GRM8: variants seen among roughly 807,000 people sequenced by gnomAD.
The protein encoded by GRM8 is metabotropic glutamate receptor 8.
GRM8 carries 47 observed loss-of-function variants against 87.2 expected under a neutral mutation model. The ratio of observed to expected loss-of-function variants is 0.54; its 90% CI spans 0.43 to 0.69. The LOEUF is 0.69. Among genes scored for constraint, GRM8 ranks in the 30% least tolerant of loss-of-function variants. GRM8 has a pLI of 0.00. For missense variants in GRM8, 1,019 were observed against 1,139.2 expected (o/e 0.89, Z 1.52); for synonymous variants, 396 against 404.5 (o/e 0.98, Z 0.25).
intron 9 of GRM8, 46 bp downstream of exon 9, chr7:126,532,906 T>C (rs1488413074): frequency 1.8e-6 from 2 of 1,091,214 alleles, no homozygotes; most frequent in African/African-American, 1.6e-5. Context: ...TAAAAGAAGA[T>C]GTTAAATCCA....
intron 2 of GRM8, among the ~76,000 whole-genome samples, chr7:127,168,901 C>T (rs1347399122): frequency 6.6e-6 from 1 of 151,808 alleles, no homozygotes; most frequent in Non-Finnish European, 1.5e-5. Flanking sequence ...GGAGAAATAC[C>T]TAATGTAGAT....
chr7:126,645,677 TG>T (rs1408727084), intron 7 of GRM8, among the ~76,000 whole-genome samples: 1 of 152,204 alleles, frequency 6.6e-6, no homozygotes, highest in Non-Finnish European at 1.5e-5. Flanking sequence ...AAGTTTAAAA[TG>T]TTTTTCTGGT....
At position 127,037,106 on chromosome 7, in the gene GRM8, C is replaced by A. The variant is rs150304260; in HGVS notation, c.727+69390G>T. Among the ~76,000 whole-genome samples the A allele has an allele frequency of 1.1e-4, 17 of 152,248 alleles. No individual in the cohort carries two copies. In the East Asian group the frequency reaches 3.1e-3, roughly 28 times the overall value. Reference sequence around the variant, plus strand: ...CCTCCCACATAATCAGCTCAAAAAACTGATTTAAGAAAATCATTTTACATG... The same window carrying A: ...CCTCCCACATAATCAGCTCAAAAAAATGATTTAAGAAAATCATTTTACATG... On this transcript the variant is annotated intron_variant, in intron 3 of 10. Coordinates refer to ENST00000339582, the MANE Select transcript of GRM8 (RefSeq NM_000845.3).
chr7:127,141,916 C>A (rs1413457681), intron 2 of GRM8, among the ~76,000 whole-genome samples: 1 of 152,038 alleles, frequency 6.6e-6, no homozygotes, highest in African/African-American at 2.4e-5. Context: ...TGGAGTGCAG[C>A]AAATGCTTTC....
intron 3 of GRM8, among the ~76,000 whole-genome samples, chr7:127,012,276 A>G (rs1246830268): frequency 6.6e-6 from 1 of 152,110 alleles, no homozygotes; most frequent in Non-Finnish European, 1.5e-5. Flanking sequence ...TTGGTTCTAT[A>G]GTTCTACTAT....
chr7:126,489,141 G>A (rs1161018413), intron 9 of GRM8, among the ~76,000 whole-genome samples: 3 of 152,006 alleles, frequency 2.0e-5, no homozygotes, highest in African/African-American at 7.2e-5. Flanking sequence ...TGGATTTAGA[G>A]AAGCCACAAA....
chr7:126,997,329 C>T lies in GRM8; in HGVS notation c.728-92646G>A, dbSNP rs562295389. ...AGAGGAAAATATATAGCTTTAAGTG[C>T]CTATATCAAAAAAAGAAAAACTTAA... On this transcript the variant is annotated intron_variant, in intron 3 of 10. Transcript: ENST00000339582. 9.9e-5 allele frequency among the ~76,000 whole-genome samples: 15 copies of T among 151,290 alleles called. No homozygotes were observed. In the South Asian group the frequency reaches 3.1e-3, roughly 32 times the overall value.
At chr7:126,545,769 A>T (rs1210819432) in intron 8 of GRM8, among the ~76,000 whole-genome samples, 1 of 152,234 alleles carries the variant, frequency 6.6e-6, no homozygotes. Context: ...TACTAAAATG[A>T]GCTCAGAACT....
At chr7:127,223,447 A>ACACG (rs1554615089) in intron 2 of GRM8, among the ~76,000 whole-genome samples, 3 of 32,796 alleles carry the variant, frequency 9.1e-5, no homozygotes, top group East Asian at 6.6e-4. Flanking sequence ...ACACACGCAC[A>ACACG]CACACACACA....
chr7:126,451,432 T>G (rs919966241), intron 9 of GRM8, among the ~76,000 whole-genome samples: 3 of 151,800 alleles, frequency 2.0e-5, no homozygotes. Context: ...GGTGTTACAT[T>G]GCTCAGAGCC....
At chr7:127,016,903 A>G (rs543786130) in intron 3 of GRM8, among the ~76,000 whole-genome samples, 11 of 152,198 alleles carry the variant, frequency 7.2e-5, no homozygotes, top group African/African-American at 2.6e-4. Flanking sequence ...TCATCTTAGT[A>G]TAGAGACACT....
chr7:127,082,314 A>G (rs1586946122), intron 3 of GRM8: 1 of 152,008 alleles, frequency 6.6e-6, no homozygotes, highest in African/African-American at 2.4e-5. Context: ...CAGCCTGGGG[A>G]TTGGTTATGT....
At chr7:126,831,089 C>T (rs1201142214) in intron 6 of GRM8, among the ~76,000 whole-genome samples, 6 of 152,154 alleles carry the variant, frequency 3.9e-5, no homozygotes, top group South Asian at 2.1e-4. Flanking sequence ...AGTACCCGGC[C>T]GTGTGAGGTG....
intron 6 of GRM8, among the ~76,000 whole-genome samples, chr7:126,826,751 T>A (rs1211980211): frequency 4.6e-5 from 7 of 152,160 alleles, no homozygotes; most frequent in Admixed American, 4.6e-4. Context: ...TTGGCTTTTG[T>A]TGCCATTGCT....
chr7:126,788,138 G>A (rs989638785), intron 6 of GRM8, among the ~76,000 whole-genome samples: 6 of 151,850 alleles, frequency 4.0e-5, no homozygotes, highest in Admixed American at 1.3e-4. Context: ...TGGCCGGTGC[G>A]ATGGCTCATG....
At chr7:127,140,068 A>G (rs964816921) in intron 2 of GRM8, among the ~76,000 whole-genome samples, 1 of 152,198 alleles carries the variant, frequency 6.6e-6, no homozygotes, top group African/African-American at 2.4e-5. Flanking sequence ...TGCCAACAAC[A>G]AAGTCAAAAC....
At chr7:127,187,985 C>T (rs766422900) in intron 2 of GRM8, among the ~76,000 whole-genome samples, 1 of 152,194 alleles carries the variant, frequency 6.6e-6, no homozygotes, top group Non-Finnish European at 1.5e-5. Context: ...TGGTTGGCCC[C>T]TTGCTGTCAG....
At chr7:126,532,781 A>G (rs1815046062) in intron 9 of GRM8, among the ~76,000 whole-genome samples, 171 bp downstream of exon 9, 1 of 11,140 alleles carries the variant, frequency 9.0e-5, no homozygotes, top group African/African-American at 4.3e-4. Flanking sequence ...ATATATATAT[A>G]TATATATATA....
intron 3 of GRM8, among the ~76,000 whole-genome samples, chr7:127,012,559 G>T (rs1202004732): frequency 6.6e-6 from 1 of 152,038 alleles, no homozygotes; most frequent in African/African-American, 2.4e-5. Flanking sequence ...TTACTGCCTT[G>T]GATGTCATAA....
Sources: gnomAD v4.1 joint callset for allele counts (sites outside exome capture counted in the v4.1 genomes callset) on GRCh38, gnomAD v4.1.1 for gene constraint, MANE v1.5 for transcripts, NCBI Gene and HGNC (gene_info 2026-07-23, HGNC 2026-07-21) for gene names.